NR2F1-AS1: variants seen among roughly 807,000 people sequenced by gnomAD.
NR2F1-AS1 encodes NR2F1 antisense RNA 1.
At chr5:93,499,879 T>C (rs149457007) in intron 4 of NR2F1-AS1, among the ~76,000 whole-genome samples, 6 of 152,326 alleles carry the variant, frequency 3.9e-5, no homozygotes, top group African/African-American at 1.4e-4. Context: ...GGATAGAAGA[T>C]CAAACCAGCT....
At chr5:93,476,720 A>C (rs1185154030) in intron 4 of NR2F1-AS1, among the ~76,000 whole-genome samples, 1 of 152,148 alleles carries the variant, frequency 6.6e-6, no homozygotes, top group African/African-American at 2.4e-5. Flanking sequence ...ACTTCACACG[A>C]GCACAGCAGT....
chr5:93,535,178 G>A (rs570174816), intron 4 of NR2F1-AS1, among the ~76,000 whole-genome samples: 1 of 151,686 alleles, frequency 6.6e-6, no homozygotes, highest in African/African-American at 2.4e-5. Context: ...AGGAATAAAG[G>A]TCGTACCTTT....
At chr5:93,537,841 T>C (rs1479089570) in intron 4 of NR2F1-AS1, among the ~76,000 whole-genome samples, 2 of 152,206 alleles carry the variant, frequency 1.3e-5, no homozygotes, top group Non-Finnish European at 2.9e-5. Flanking sequence ...ATGTCCTTCA[T>C]TATAAGGCAT....
chr5:93,532,949 G>A (rs567057813), intron 4 of NR2F1-AS1, among the ~76,000 whole-genome samples: 39 of 152,284 alleles, frequency 2.6e-4, no homozygotes, highest in African/African-American at 8.9e-4. Context: ...AATATTACAA[G>A]TTAATCTCAA....
intron 4 of NR2F1-AS1, among the ~76,000 whole-genome samples, chr5:93,412,662 C>T (rs1748881087): frequency 6.6e-6 from 1 of 152,190 alleles, no homozygotes. Context: ...TTGCCTTATG[C>T]CTTGCCCTGA....
chr5:93,540,428 T>C (rs1338991786), intron 4 of NR2F1-AS1, among the ~76,000 whole-genome samples: 1 of 152,188 alleles, frequency 6.6e-6, no homozygotes, highest in Non-Finnish European at 1.5e-5. Flanking sequence ...TCACTCTGCT[T>C]GCAAAGCCCA....
intron 2 of NR2F1-AS1, among the ~76,000 whole-genome samples, chr5:93,557,239 A>C (rs1214805459): frequency 6.6e-6 from 1 of 152,186 alleles, no homozygotes; most frequent in Non-Finnish European, 1.5e-5. Context: ...ATGCTGTGAA[A>C]ATGTGATCTG....
intron 4 of NR2F1-AS1, among the ~76,000 whole-genome samples, chr5:93,422,064 G>C (rs1417548535): frequency 1.3e-5 from 2 of 152,168 alleles, no homozygotes; most frequent in Non-Finnish European, 2.9e-5. Flanking sequence ...TGAGCTATGT[G>C]CTGGCGTGCA....
chr5:93,454,865 C>G (rs769566788), intron 4 of NR2F1-AS1, among the ~76,000 whole-genome samples: 1 of 152,156 alleles, frequency 6.6e-6, no homozygotes, highest in Non-Finnish European at 1.5e-5. Context: ...CCCTGAGAGG[C>G]CATGGAAGCT....
intron 4 of NR2F1-AS1, among the ~76,000 whole-genome samples, chr5:93,470,039 A>ATT (rs1483507586): frequency 1.3e-5 from 2 of 152,068 alleles, no homozygotes; most frequent in African/African-American, 4.8e-5. Context: ...TTCCAAAAGC[A>ATT]TTCATATTCT....
intron 4 of NR2F1-AS1, among the ~76,000 whole-genome samples, chr5:93,458,620 T>C (rs1750005919): frequency 6.6e-6 from 1 of 152,140 alleles, no homozygotes; most frequent in African/African-American, 2.4e-5. Flanking sequence ...AGTTAAATTC[T>C]AATAAGACAC....
At position 93,579,126 on chromosome 5, in the gene NR2F1-AS1, C is replaced by G. The variant is rs1199075273; in HGVS notation, n.313+1341G>C. 6.6e-6 allele frequency among the ~76,000 whole-genome samples: 1 copy of G among 152,162 alleles called. No individual in the cohort carries two copies. Among genetic ancestry groups the G allele is most frequent in the African/African-American group, 2.4e-5 (1 of 41,430 alleles). ...AGCTCTAAGTGCCACTCAGGCCGGACGAGTTCCAGAGGGGGACAGCGCCCT... is the reference window on the plus strand; with the variant it reads ...AGCTCTAAGTGCCACTCAGGCCGGAGGAGTTCCAGAGGGGGACAGCGCCCT... On this transcript the variant is annotated intron_variant and non_coding_transcript_variant, in intron 1 of 5. Transcript: ENST00000660523. This position sits in a 1 kb window ranked among gnomAD's most constrained non-coding sequence, Gnocchi z 5.1.
At chr5:93,426,343 C>T (rs1416700218) in intron 4 of NR2F1-AS1, among the ~76,000 whole-genome samples, 4 of 152,160 alleles carry the variant, frequency 2.6e-5, no homozygotes, top group South Asian at 2.1e-4. Flanking sequence ...CCACCATGCC[C>T]GGCCCACCTC....
intron 4 of NR2F1-AS1, among the ~76,000 whole-genome samples, chr5:93,518,919 T>G (rs1429898328): frequency 1.3e-5 from 2 of 152,066 alleles, no homozygotes; most frequent in African/African-American, 4.8e-5. Flanking sequence ...AAGAAATTTA[T>G]TAAAGTAGAC....
At chr5:93,410,740 T>A (rs1411833703) in intron 4 of NR2F1-AS1, 3 of 152,124 alleles carry the variant, frequency 2.0e-5, no homozygotes, top group Non-Finnish European at 4.4e-5. Flanking sequence ...ACAACAGGTA[T>A]AATTCACCTT....
chr5:93,472,426 G>A (rs925076323), intron 4 of NR2F1-AS1, among the ~76,000 whole-genome samples: 2 of 151,698 alleles, frequency 1.3e-5, no homozygotes, highest in African/African-American at 4.8e-5. Flanking sequence ...AAATACTTGT[G>A]TTATTGAACC....
chr5:93,426,513 C>T (rs1047134634), intron 4 of NR2F1-AS1, among the ~76,000 whole-genome samples: 11 of 152,216 alleles, frequency 7.2e-5, no homozygotes, highest in Admixed American at 2.0e-4. Context: ...AAAAATACTA[C>T]TAGGACTCAA....
chr5:93,515,929 T>C (rs931669089), intron 4 of NR2F1-AS1, among the ~76,000 whole-genome samples: 2 of 151,904 alleles, frequency 1.3e-5, no homozygotes, highest in Non-Finnish European at 2.9e-5. Context: ...ACTTCAAGGA[T>C]CTGCTGAAAA....
intron 4 of NR2F1-AS1, among the ~76,000 whole-genome samples, chr5:93,441,825 A>G (rs368029739): frequency 7.3e-4 from 110 of 150,682 alleles, no homozygotes; most frequent in African/African-American, 2.6e-3. Flanking sequence ...TGCTCAACAG[A>G]AGGCAGTCAT....
Sources: gnomAD v4.1 joint callset for allele counts (sites outside exome capture counted in the v4.1 genomes callset) on GRCh38, gnomAD v4.1.1 for gene constraint, Gnocchi (gnomAD v3.1) non-coding constraint, MANE v1.5 for transcripts, NCBI Gene and HGNC (gene_info 2026-07-23, HGNC 2026-07-21) for gene names.